The following AMOTL1 variants were observed in gnomAD, a reference collection of about 807,000 sequenced individuals.
AMOTL1 encodes the protein angiomotin-like protein 1.
A neutral mutation model predicts 102.9 loss-of-function variants in AMOTL1; 45 were observed. The observed-to-expected ratio is 0.44, with a 90% CI of 0.34 to 0.56. The LOEUF is 0.56. Among genes scored for constraint, AMOTL1 ranks in the 20% least tolerant of loss-of-function variants. The probability of loss-of-function intolerance (pLI) is 0.01; values close to 1 mark genes in which losing one functional copy is unlikely to be tolerated. For missense variants in AMOTL1, 1,114 were observed against 1,225.6 expected, an observed-to-expected ratio of 0.91 and a Z score of 1.36; for synonymous variants, 481 against 484.7, an observed-to-expected ratio of 0.99 and a Z score of 0.10.
chr11:94,753,374 C>G (rs1354844144), intron 3 of AMOTL1, among the ~76,000 whole-genome samples: 1 of 149,308 alleles, frequency 6.7e-6, no homozygotes, highest in African/African-American at 2.5e-5. Flanking sequence ...GCTTCTTACC[C>G]TGAAGTCCAT....
At chr11:94,781,004 C>A (rs1300376550) in intron 1 of AMOTL1, among the ~76,000 whole-genome samples, 1 of 152,090 alleles carries the variant, frequency 6.6e-6, no homozygotes, top group Non-Finnish European at 1.5e-5. Flanking sequence ...TTCTCTTTCC[C>A]CTTCAGTCAT....
At chr11:94,766,732 T>G (rs192549621), upstream of AMOTL1, among the ~76,000 whole-genome samples, 5 of 152,342 alleles carry the variant, frequency 3.3e-5, no homozygotes, top group Admixed American at 3.3e-4. Flanking sequence ...AGAGGTTGTT[T>G]CTATACCTGG....
In AMOTL1 at chr11:94,771,258, T is replaced by TTGG. The variant is rs1555067524; in HGVS notation, c.49+2699_49+2701dup. On this transcript the variant is annotated intron_variant, in intron 1 of 12. Coordinates refer to ENST00000433060, the MANE Select transcript of AMOTL1 (RefSeq NM_130847.3). Reference sequence around the variant, plus strand: ...CTATTTTCTTTTCTTTTTGGCGGGGTTGGGGGGGGGGTGCGGTGTGTGGCT... The same window carrying TTGG: ...CTATTTTCTTTTCTTTTTGGCGGGGTTGGTGGGGGGGGGGTGCGGTGTGTGGCT... Among the ~76,000 whole-genome samples, 16 of 18,906 alleles carry TTGG rather than the reference T, an allele frequency of 8.5e-4. 1 individual carries two copies. Among genetic ancestry groups the TTGG allele is most frequent in the African/African-American group, 1.5e-3 (14 of 9,230 alleles). The allele number at this position is 18,906 out of a possible 152,430, so 12.4% of individuals were successfully genotyped here. A position where few individuals can be genotyped will look rare whatever the true frequency, so the allele number is the denominator to read the frequency against.
At chr11:94,849,539 A>G (rs55753121) in intron 6 of AMOTL1, among the ~76,000 whole-genome samples, 13,949 of 152,090 alleles carry the variant, frequency 0.092, 1,144 homozygotes, top group African/African-American at 0.22. Flanking sequence ...TCCTAAATCT[A>G]AAGCCTTGTC....
chr11:94,857,894 C>T (rs929938477), intron 8 of AMOTL1, among the ~76,000 whole-genome samples: 1 of 152,078 alleles, frequency 6.6e-6, no homozygotes, highest in African/African-American at 2.4e-5. Flanking sequence ...GCTGGCACAC[C>T]TGACCATCAA....
intron 3 of AMOTL1, among the ~76,000 whole-genome samples, chr11:94,744,029 G>A (rs1353910939): frequency 2.0e-5 from 3 of 152,022 alleles, no homozygotes; most frequent in South Asian, 2.1e-4. Context: ...TAAATATTTT[G>A]CAGCCACCAA....
chr11:94,787,884 T>A (rs1951219514), intron 1 of AMOTL1, among the ~76,000 whole-genome samples: 1 of 151,980 alleles, frequency 6.6e-6, no homozygotes, highest in Admixed American at 6.6e-5. Context: ...GCTCACAAAT[T>A]AATTGGAAGG....
chr11:94,754,366 C>T (rs887461849), intron 3 of AMOTL1, among the ~76,000 whole-genome samples: 7 of 152,092 alleles, frequency 4.6e-5, no homozygotes, highest in Admixed American at 6.5e-5. Flanking sequence ...GTCCCTGTGA[C>T]CAAATGCTGA....
intron 3 of AMOTL1, among the ~76,000 whole-genome samples, chr11:94,813,387 C>T (rs1951714728): frequency 6.6e-6 from 1 of 152,176 alleles, no homozygotes; most frequent in Non-Finnish European, 1.5e-5. Context: ...TTTCCTTAGG[C>T]CTTCAATTTA....
At chr11:94,728,895 T>C in intron 1 of AMOTL1, 1 of 1,111,060 alleles carries the variant, frequency 9.0e-7, no homozygotes, top group Non-Finnish European at 1.2e-6. Flanking sequence ...TTCAAATCCC[T>C]TTTTTATATT....
intron 1 of AMOTL1, among the ~76,000 whole-genome samples, chr11:94,717,829 G>T (rs953565823): frequency 6.6e-6 from 1 of 151,310 alleles, no homozygotes; most frequent in Admixed American, 6.6e-5. Flanking sequence ...TACAAAGAAA[G>T]AAATTGAATA....
chr11:94,812,151 C>T (rs61893497), intron 3 of AMOTL1, among the ~76,000 whole-genome samples: 2,757 of 152,264 alleles, frequency 0.018, 46 homozygotes, highest in Non-Finnish European at 0.03. Context: ...TACGAAGCAC[C>T]CATAGATTTG....
rs553296589 is a variant in AMOTL1 at position 94,868,987 on chromosome 11, T to A, written c.2489-211T>A. On this transcript the variant is annotated intron_variant, in intron 11 of 12. Transcript: ENST00000433060. ...AAAACACACAAAAAAAACCTACAAT[T>A]TTTTAGGAAGGGGACTAGGTCTTCC... 5.9e-5 allele frequency among the ~76,000 whole-genome samples: 9 copies of A among 152,014 alleles called. No individual in the cohort carries two copies. The South Asian group carries it at 1.7e-3, about 28-fold the overall frequency.
In AMOTL1 at chr11:94,876,267, C is replaced by T. The variant is rs1487754765; in HGVS notation, c.*5472C>T. 2.0e-5 allele frequency: 3 copies of T among 152,480 alleles called. No homozygotes were observed. The highest frequency in any genetic ancestry group is 7.2e-5 in the African/African-American group (3 of 41,382). 9.4% of individuals were successfully genotyped at this position (152,480 alleles called of 1,614,324 possible). On this transcript the variant is annotated 3_prime_UTR_variant, in exon 13 of 13. Coordinates refer to ENST00000433060, the MANE Select transcript of AMOTL1 (RefSeq NM_130847.3). ...TTCCTTTTGAGGAGGAACAGGGAGC[C>T]TCCTCCTCCATGAGCACTTACAGAA... is the stretch of plus-strand genomic sequence containing the variant.
chr11:94,864,744 G>A lies in AMOTL1; in HGVS notation c.2145G>A (p.Thr715=), dbSNP rs775640887. ...AATAAAERDT[T]IINHSRNGSY... ...ATCCTTGTGTTGCCAGGGACACCAC[G>A]ATCATCAACCACTCACGGAATGGCA... Residue 715 remains threonine (T), a synonymous_variant, in exon 10 of 13, where the codon ACG becomes ACA. Transcript: ENST00000433060. 8.7e-6 allele frequency: 14 copies of A among 1,613,288 alleles called. No homozygotes were observed. The highest frequency in any genetic ancestry group is 1.7e-5 in the Admixed American group (1 of 59,974).
chr11:94,798,545 T>G (rs1343415609), intron 2 of AMOTL1, among the ~76,000 whole-genome samples: 1 of 152,064 alleles, frequency 6.6e-6, no homozygotes, highest in Non-Finnish European at 1.5e-5. Context: ...CATGTTGAGT[T>G]AGAAGGACTC....
chr11:94,733,801 G>A (rs555622694), intron 2 of AMOTL1, among the ~76,000 whole-genome samples: 157 of 152,290 alleles, frequency 1.0e-3, no homozygotes, highest in Non-Finnish European at 2.0e-3. Flanking sequence ...AGTGTAAGTC[G>A]GAAGTGTATG....
chr11:94,748,425 G>T lies in AMOTL1; in HGVS notation c.136+7437G>T, dbSNP rs956819459. 2.6e-5 allele frequency among the ~76,000 whole-genome samples: 4 copies of T among 152,160 alleles called. No individual in the cohort carries two copies. In the South Asian group the frequency reaches 8.3e-4, roughly 32 times the overall value. On this transcript the variant is annotated intron_variant, in intron 3 of 4. Coordinates refer to the AMOTL1 transcript ENST00000299004. ...CTGAACTTTAGTCACGTGGCTACCC[G>T]CAGTTCCAGGAAGACTGGGAAAACT...
intron 3 of AMOTL1, among the ~76,000 whole-genome samples, chr11:94,812,049 A>G (rs1951692124): frequency 6.6e-6 from 1 of 152,214 alleles, no homozygotes; most frequent in African/African-American, 2.4e-5. Context: ...TCTCGATCAC[A>G]TTTGGGGAAA....
Sources: gnomAD v4.1 joint callset for allele counts (sites outside exome capture counted in the v4.1 genomes callset) on GRCh38, gnomAD v4.1.1 for gene constraint, MANE v1.5 for transcripts, NCBI Gene and HGNC (gene_info 2026-07-23, HGNC 2026-07-21) for gene names.